CASK: variants seen among roughly 807,000 people sequenced by gnomAD.
CASK encodes the protein peripheral plasma membrane protein CASK.
Under a neutral mutation model 82.9 loss-of-function variants are expected in CASK, and 4 were observed. The ratio of observed to expected loss-of-function variants is 0.05; its 90% confidence interval spans 0.02 to 0.11. CASK has a LOEUF of 0.11. CASK is among the 10% of genes least tolerant of loss of function. The pLI is 1.00. For missense variants in CASK, 358 were observed against 720.9 expected (o/e 0.50, Z 5.76); for synonymous variants, 259 against 253.5 (o/e 1.02, Z -0.20).
At chrX:41,530,676 A>G (rs2064788589) in intron 25 of CASK, among the ~76,000 whole-genome samples, 1 of 112,566 alleles carries the variant, frequency 8.9e-6, no homozygotes, top group South Asian at 3.7e-4. Flanking sequence ...TTGTGATAAC[A>G]AAGTGCCAGA....
chrX:41,606,543 G>A (rs1423982321), intron 12 of CASK, among the ~76,000 whole-genome samples: 2 of 111,066 alleles, frequency 1.8e-5, no homozygotes, highest in African/African-American at 6.6e-5. Flanking sequence ...GTGAGTCACC[G>A]TACCTGGCCT....
At chrX:41,573,682 G>T (rs1569314446) in intron 15 of CASK, among the ~76,000 whole-genome samples, 1 of 111,400 alleles carries the variant, frequency 9.0e-6, no homozygotes, top group Non-Finnish European at 1.9e-5. Flanking sequence ...CATATTATAG[G>T]TCACACTTTC....
intron 2 of CASK, among the ~76,000 whole-genome samples, chrX:41,790,494 G>T (rs1207770693): frequency 1.8e-5 from 2 of 111,741 alleles, no homozygotes; most frequent in Non-Finnish European, 3.8e-5. Context: ...CTCACATTTT[G>T]ATTTGGTAAA....
chrX:41,904,235 G>A (rs1021331846), intron 1 of CASK, among the ~76,000 whole-genome samples: 1 of 111,329 alleles, frequency 9.0e-6, no homozygotes, highest in African/African-American at 3.3e-5. Flanking sequence ...TTCTTTTTTT[G>A]GGGAAAGGAA....
intron 3 of CASK, among the ~76,000 whole-genome samples, chrX:41,747,899 C>T (rs771794317): frequency 8.9e-6 from 1 of 112,292 alleles, no homozygotes; most frequent in African/African-American, 3.2e-5. Context: ...TTCATGATTG[C>T]TTTAATTTGC....
intron 9 of CASK, among the ~76,000 whole-genome samples, chrX:41,631,939 G>A (rs191069863): frequency 1.1e-3 from 118 of 110,394 alleles, no homozygotes; most frequent in African/African-American, 3.7e-3. Flanking sequence ...TCCCCACCCC[G>A]CTTATTTTTG....
intron 1 of CASK, among the ~76,000 whole-genome samples, chrX:41,877,589 C>G (rs2071850398): frequency 9.0e-6 from 1 of 111,547 alleles, no homozygotes; most frequent in Non-Finnish European, 1.9e-5. Flanking sequence ...CTCTAACCCT[C>G]TTTTGTTTGA....
In CASK at chrX:41,854,224, G is replaced by GCGCGCACA. The variant is rs1367817089; in HGVS notation, c.60-998_60-997insTGTGCGCG. ...AACATGCGCGCGCGCGCGGGCGCGC[G>GCGCGCACA]CACACACACACACACACACACACAC... On this transcript the variant is annotated intron_variant, in intron 1 of 26. Coordinates refer to ENST00000378163, the MANE Select transcript of CASK (RefSeq NM_001367721.1). Among the ~76,000 whole-genome samples, 21 of 81,730 alleles carry GCGCGCACA rather than the reference G, an allele frequency of 2.6e-4. 1 individual carries two copies. Among genetic ancestry groups the GCGCGCACA allele is most frequent in the Admixed American group, 8.8e-4 (6 of 6,849 alleles). 71.0% of individuals were successfully genotyped at this position (81,730 alleles called of 115,157 possible).
chrX:41,566,747 C>T lies in CASK; in HGVS notation c.1582+2921G>A, dbSNP rs776374191. ...TTGGAAAAAAAACTACTTTAAAGTT[C>T]ACATGGACCCAAAAAAGAGCCCGCA... On this transcript the variant is annotated intron_variant, in intron 16 of 26. Transcript: ENST00000378163. Among the ~76,000 whole-genome samples, 4 of 108,733 alleles carry T rather than the reference C, an allele frequency of 3.7e-5. No homozygotes were observed. The South Asian group carries it at 1.5e-3, about 42-fold the overall frequency. The allele number at this position is 108,733 out of a possible 115,157, so 94.4% of individuals were successfully genotyped here. A position where few individuals can be genotyped will look rare whatever the true frequency, so the allele number is the denominator to read the frequency against.
At chrX:41,912,450 G>A (rs1345214100) in intron 1 of CASK, among the ~76,000 whole-genome samples, 1 of 107,120 alleles carries the variant, frequency 9.3e-6, no homozygotes, top group Non-Finnish European at 1.9e-5. Flanking sequence ...TGGGATTACA[G>A]GCACGCACCA....
chrX:41,725,701 G>C (rs966673471), intron 5 of CASK, among the ~76,000 whole-genome samples: 1 of 111,851 alleles, frequency 8.9e-6, no homozygotes, highest in Non-Finnish European at 1.9e-5. Flanking sequence ...CCTTTGAAGC[G>C]AGAAAGATTT....
rs189402251 is a variant in CASK, at chrX:41,715,565, C to T, written c.429+23819G>A. On this transcript the variant is annotated intron_variant, in intron 5 of 26. Coordinates refer to ENST00000378163, the MANE Select transcript of CASK (RefSeq NM_001367721.1). ...TGAACTCAGGAGGCGGAGGTTGCAG[C>T]GAGCCGAGATTGCGCCATTGCACTC... Among the ~76,000 whole-genome samples, 388 of 106,516 alleles carry T rather than the reference C, an allele frequency of 3.6e-3. 3 individuals are homozygous for T. Among genetic ancestry groups the T allele is most frequent in the African/African-American group, 0.012 (340 of 28,990 alleles). 92.5% of individuals were successfully genotyped at this position (106,516 alleles called of 115,157 possible).
chrX:41,690,793 C>T (rs1488158117), intron 5 of CASK, among the ~76,000 whole-genome samples: 1 of 108,379 alleles, frequency 9.2e-6, no homozygotes, highest in African/African-American at 3.4e-5. Context: ...CCCACCTTAG[C>T]CTCTCGAGTA....
intron 2 of CASK, among the ~76,000 whole-genome samples, chrX:41,837,201 TAC>T (rs1239144552): frequency 2.7e-5 from 3 of 112,217 alleles, no homozygotes; most frequent in African/African-American, 6.5e-5. Context: ...GCAAAAGTAG[TAC>T]AGAGATTTTG....
At chrX:41,644,723 C>T (rs1032993037) in intron 8 of CASK, among the ~76,000 whole-genome samples, 3 of 111,901 alleles carry the variant, frequency 2.7e-5, no homozygotes, top group Non-Finnish European at 3.8e-5. Context: ...CAGCATGGAA[C>T]GTCCTTGAGA....
At chrX:41,536,946 CAGA>C (rs2064882196) in intron 22 of CASK, among the ~76,000 whole-genome samples, 2 of 111,420 alleles carry the variant, frequency 1.8e-5, no homozygotes, top group African/African-American at 3.3e-5. Context: ...AGTATGCTTA[CAGA>C]AGAAGTGCAT....
At chrX:41,817,710 A>G (rs1047917778) in intron 2 of CASK, among the ~76,000 whole-genome samples, 39 of 111,273 alleles carry the variant, frequency 3.5e-4, no homozygotes, top group African/African-American at 1.1e-3. Flanking sequence ...CAAGACTGAT[A>G]TACAATTGTA....
chrX:41,583,340 A>T (rs1053930797), intron 14 of CASK, among the ~76,000 whole-genome samples: 21 of 112,185 alleles, frequency 1.9e-4, no homozygotes, highest in African/African-American at 6.8e-4. Flanking sequence ...GCTTACTTCA[A>T]ATCTGAAAGA....
chrX:41,547,505 T>TTG (rs895611727), intron 21 of CASK, among the ~76,000 whole-genome samples: 1 of 111,803 alleles, frequency 8.9e-6, no homozygotes, highest in Non-Finnish European at 1.9e-5. Context: ...CAGTTTTGTT[T>TTG]TGTGTGTGTG....
Sources: allele counts gnomAD v4.1 joint callset (sites outside exome capture counted in the v4.1 genomes callset), GRCh38; gene constraint gnomAD v4.1.1; transcripts MANE v1.5; gene names NCBI Gene and HGNC (gene_info 2026-07-23, HGNC 2026-07-21).